The following SYNJ2 variants were observed in gnomAD, a reference collection of about 807,000 sequenced individuals.
The protein encoded by SYNJ2 is synaptojanin 2, also known as polyphosphatidylinositol phosphatase SYNJ2.
Under a neutral mutation model 141.3 loss-of-function variants are expected in SYNJ2, and 116 were observed. The ratio of observed to expected loss-of-function variants is 0.82; its 90% CI spans 0.71 to 0.96. The LOEUF is 0.96. Ranked by LOEUF, SYNJ2 falls within the 40% of genes least tolerant of loss-of-function variation. SYNJ2 has a pLI of 0.00. For missense variants in SYNJ2, 1,873 were observed against 1,934.8 expected (o/e 0.97, Z 0.60); for synonymous variants, 745 against 777.7 (o/e 0.96, Z 0.70).
chr6:158,080,709 G>A (rs948248186), intron 18 of SYNJ2, among the ~76,000 whole-genome samples: 8 of 152,158 alleles, frequency 5.3e-5, no homozygotes, highest in Non-Finnish European at 1.0e-4. Flanking sequence ...GAGTGCAGAT[G>A]TCTGCTTCCC....
rs979617105 is a variant in SYNJ2 at position 157,982,498 on chromosome 6, C to G, written c.127+410C>G. On this transcript the variant is annotated intron_variant, in intron 1 of 26. Coordinates refer to ENST00000355585, the MANE Select transcript of SYNJ2 (RefSeq NM_003898.4). This position sits in a 1 kb window ranked among gnomAD's most constrained non-coding sequence, Gnocchi z 4.0. ...TTTGGTTTGTGTTGGCGGCTCCACTCCTGGAGGGGATGGGGACAAAAGCCC... is the reference window on the plus strand; with the variant it reads ...TTTGGTTTGTGTTGGCGGCTCCACTGCTGGAGGGGATGGGGACAAAAGCCC... Among the ~76,000 whole-genome samples the G allele has an allele frequency of 9.9e-5, 15 of 152,180 alleles. No homozygotes were observed. Among genetic ancestry groups the G allele is most frequent in the African/African-American group, 3.1e-4 (13 of 41,426 alleles).
intron 20 of SYNJ2, 54 bp from the exon 21 acceptor site, chr6:158,083,372 TCAA>T (rs776759529): frequency 4.7e-5 from 75 of 1,581,906 alleles, no homozygotes; most frequent in Non-Finnish European, 6.4e-5. Flanking sequence ...CATTGTGTGA[TCAA>T]CAGGAGGGGT....
At chr6:158,093,458 A>AC (rs1562413617) in intron 26 of SYNJ2, among the ~76,000 whole-genome samples, 2 of 147,540 alleles carry the variant, frequency 1.4e-5, no homozygotes, top group African/African-American at 2.7e-5. Flanking sequence ...AACAAAAAAA[A>AC]AAAAACAGAT....
intron 1 of SYNJ2, among the ~76,000 whole-genome samples, chr6:158,016,259 G>A (rs1279169441): frequency 6.6e-6 from 1 of 152,076 alleles, no homozygotes; most frequent in African/African-American, 2.4e-5. Flanking sequence ...GATTACAGGC[G>A]TGTGCCACCA....
At chr6:158,045,497 C>A (rs904411409) in intron 5 of SYNJ2, among the ~76,000 whole-genome samples, 14 of 152,138 alleles carry the variant, frequency 9.2e-5, no homozygotes, top group Admixed American at 2.6e-4. Context: ...TGGTGAATTC[C>A]TCCTGTATTG....
chr6:158,031,170 G>C (rs1434524048), intron 3 of SYNJ2, among the ~76,000 whole-genome samples: 2 of 152,218 alleles, frequency 1.3e-5, no homozygotes, highest in African/African-American at 4.8e-5. Flanking sequence ...CAGAGGGGCT[G>C]TGTATTATGA....
chr6:157,981,433 G>C (rs143456271), upstream of SYNJ2, among the ~76,000 whole-genome samples: 648 of 152,374 alleles, frequency 4.3e-3, 5 homozygotes, highest in African/African-American at 0.015. The surrounding 1 kb of genome is among the most constrained non-coding windows in gnomAD (Gnocchi z 6.4). Context: ...CAGGGAGACC[G>C]AGGCACGCAG....
chr6:158,072,409 C>G (rs956356675), intron 15 of SYNJ2, among the ~76,000 whole-genome samples: 1 of 152,206 alleles, frequency 6.6e-6, no homozygotes, highest in Non-Finnish European at 1.5e-5. Context: ...TAATGTTCTC[C>G]TTCCTGTGCA....
At position 158,096,128 on chromosome 6, in the gene SYNJ2, C is replaced by T; in HGVS notation, c.4255C>T (p.Leu1419Phe). 6.2e-7 allele frequency: 1 copy of T among 1,614,258 alleles called. No homozygotes were observed. Among genetic ancestry groups the T allele is most frequent in the Non-Finnish European group, 8.5e-7 (1 of 1,180,044 alleles). Residue 1419 changes from leucine (L) to phenylalanine (F), a missense_variant, in exon 27 of 27, where the codon CTT becomes TTT. Coordinates refer to ENST00000355585, the MANE Select transcript of SYNJ2 (RefSeq NM_003898.4). Reference sequence around the variant, plus strand: ...TTATCAGGACCCCTTCTGGAACCTTCTTCACCACCCTAAACTGTTGAATAA... The same window carrying T: ...TTATCAGGACCCCTTCTGGAACCTTTTTCACCACCCTAAACTGTTGAATAA... ...GDYQDPFWNL[L>F]HHPKLLNNTW...
At chr6:157,981,631 G>A (rs1777008521), upstream of SYNJ2, among the ~76,000 whole-genome samples, 1 of 151,954 alleles carries the variant, frequency 6.6e-6, no homozygotes, top group Admixed American at 6.5e-5. This position sits in a 1 kb window ranked among gnomAD's most constrained non-coding sequence, Gnocchi z 6.4. Context: ...CCTCCGCAGC[G>A]AGGAATGCGT....
At position 158,027,162 on chromosome 6, in the gene SYNJ2, TGTG is replaced by T. The variant is rs1452082190; in HGVS notation, c.215-1590_215-1588del. 8 of 985,138 alleles carry T rather than the reference TGTG, an allele frequency of 8.1e-6. No homozygotes were observed. Among genetic ancestry groups the T allele is most frequent in the African/African-American group, 3.5e-5 (2 of 57,264 alleles). The allele number at this position is 985,138 out of a possible 1,614,324, so 61.0% of individuals were successfully genotyped here. A position where few individuals can be genotyped will look rare whatever the true frequency, so the allele number is the denominator to read the frequency against. ...AAGCAGCGCTCTTCTCCCTATGAAG[TGTG>T]GTGAGGAAATTGGGGTGAGAGGGTG... is the stretch of plus-strand genomic sequence containing the variant. On this transcript the variant is annotated intron_variant, in intron 2 of 26. Transcript: ENST00000355585. This position sits in a 1 kb window ranked among gnomAD's most constrained non-coding sequence, Gnocchi z 4.6.
Position 158,081,621 on chromosome 6 carries a change from TTTTTTTTTTTTTTTC to T in SYNJ2, c.2865+113_2865+127del, listed in dbSNP as rs1284820104. On this transcript the variant is annotated intron_variant, in intron 20 of 26. Coordinates refer to ENST00000355585, the MANE Select transcript of SYNJ2 (RefSeq NM_003898.4). The stretch of plus-strand genomic sequence containing the variant: ...GACCTGTGCCTTTTTTTTTTTTTTT[TTTTTTTTTTTTTTTC>T]TCTGAGACAAAGTCTTGCTCTGTCA... 6.9e-4 allele frequency: 315 copies of T among 454,026 alleles called. 5 individuals carry two copies. In the African/African-American group the frequency reaches 0.015, roughly 22 times the overall value. 28.1% of individuals were successfully genotyped at this position (454,026 alleles called of 1,614,324 possible). A position where few individuals can be genotyped will look rare whatever the true frequency, so the allele number is the denominator to read the frequency against.
chr6:158,033,352 C>A, intron 3 of SYNJ2, 103 bp from the exon 4 acceptor site: 1 of 1,271,912 alleles, frequency 7.9e-7, no homozygotes, highest in Non-Finnish European at 1.1e-6. Flanking sequence ...ACCCGAAATG[C>A]TGCACCGTGC....
chr6:157,981,803 G>A (rs1240942854), upstream of SYNJ2: 2 of 581,054 alleles, frequency 3.4e-6, no homozygotes, highest in Non-Finnish European at 5.0e-6. The surrounding 1 kb of genome is among the most constrained non-coding windows in gnomAD (Gnocchi z 6.4). Flanking sequence ...GAGTGGGGAG[G>A]AGGAGGAAGG....
intron 16 of SYNJ2, among the ~76,000 whole-genome samples, chr6:158,075,618 G>A (rs1367882111): frequency 6.6e-6 from 1 of 151,602 alleles, no homozygotes; most frequent in African/African-American, 2.4e-5. Flanking sequence ...TCCAGCTTGG[G>A]CAACGAGCAA....
At chr6:158,092,757 C>T (rs893102621) in intron 25 of SYNJ2, among the ~76,000 whole-genome samples, 169 bp from the exon 26 acceptor site, 17 of 151,954 alleles carry the variant, frequency 1.1e-4, no homozygotes, top group African/African-American at 3.9e-4. Context: ...AGAGCGAGAG[C>T]CCATCTTAAA....
chr6:158,010,657 G>T (rs947890493), intron 1 of SYNJ2, among the ~76,000 whole-genome samples: 3 of 152,238 alleles, frequency 2.0e-5, no homozygotes, highest in African/African-American at 7.2e-5. Flanking sequence ...CTCAGAAGGG[G>T]ATCTTATTTG....
At chr6:158,092,897 C>T (rs199602915) in intron 25 of SYNJ2, 29 bp from the exon 26 acceptor site, 9 of 1,558,780 alleles carry the variant, frequency 5.8e-6, no homozygotes, top group African/African-American at 4.2e-5. Flanking sequence ...TTGTCCTTTA[C>T]ACTTCAGCCA....
chr6:157,992,694 A>G (rs888137447), intron 1 of SYNJ2, among the ~76,000 whole-genome samples: 1 of 152,116 alleles, frequency 6.6e-6, no homozygotes, highest in Non-Finnish European at 1.5e-5. Flanking sequence ...AGGTGTGAGC[A>G]ACTGCACTCG....
Sources: gnomAD v4.1 joint callset for allele counts (sites outside exome capture counted in the v4.1 genomes callset) on GRCh38, gnomAD v4.1.1 for gene constraint, Gnocchi (gnomAD v3.1) non-coding constraint, MANE v1.5 for transcripts, NCBI Gene and HGNC (gene_info 2026-07-23, HGNC 2026-07-21) for gene names.